The following PDE1C variants were observed in gnomAD, a reference collection of about 807,000 sequenced individuals.
PDE1C encodes dual specificity calcium/calmodulin-dependent 3',5'-cyclic nucleotide phosphodiesterase 1C.
A neutral mutation model predicts 93.1 loss-of-function variants in PDE1C; 62 were observed. The observed-to-expected ratio is 0.67, with a 90% CI of 0.54 to 0.82. The LOEUF is 0.82. Among genes scored for constraint, PDE1C ranks in the 40% least tolerant of loss-of-function variants. PDE1C has a pLI of 0.00. For synonymous variants in PDE1C, 325 were observed against 310.1 expected (o/e 1.05, Z -0.50); for missense variants, 742 against 884.6 (o/e 0.84, Z 2.04).
chr7:31,755,951 A>AGG (rs766489706), intron 17 of PDE1C, among the ~76,000 whole-genome samples: 7 of 152,156 alleles, frequency 4.6e-5, no homozygotes, highest in African/African-American at 7.2e-5. Context: ...AGATCACTGG[A>AGG]GGCCAGGAGT....
At chr7:32,209,357 C>A in intron 2 of PDE1C, 1 of 757,928 alleles carries the variant, frequency 1.3e-6, no homozygotes, top group Non-Finnish European at 2.1e-6. Context: ...GGATGTTAAC[C>A]AGATGATATT....
At chr7:31,636,136 C>T in the PDE1C span, among the ~76,000 whole-genome samples, 1 of 152,080 alleles carries the variant, frequency 6.6e-6, no homozygotes. Context: ...ACAAGAATAG[C>T]ATGGGGGTGG....
chr7:31,624,435 T>C, the PDE1C span, among the ~76,000 whole-genome samples: 1 of 128,640 alleles, frequency 7.8e-6, no homozygotes, highest in South Asian at 3.0e-4. Flanking sequence ...TATAGATCAA[T>C]GGAACAGAAC....
At chr7:32,350,579 TA>T (rs1562686631) in intron 1 of PDE1C, among the ~76,000 whole-genome samples, 20 of 674 alleles carry the variant, frequency 0.03, no homozygotes, top group African/African-American at 0.036. Flanking sequence ...TATATATATA[TA>T]TATATATATA....
chr7:31,786,542 G>A (rs890217040), intron 16 of PDE1C: 4 of 152,132 alleles, frequency 2.6e-5, no homozygotes, highest in African/African-American at 9.7e-5. Flanking sequence ...CAAGTGGATA[G>A]TGGAATTCAG....
At chr7:31,707,243 T>A in the PDE1C span, 1 of 1,614,072 alleles carries the variant, frequency 6.2e-7, no homozygotes, top group South Asian at 1.1e-5. Context: ...AAAGCAATCG[T>A]GGAAGATGAC....
At chr7:31,719,934 G>A in the PDE1C span, among the ~76,000 whole-genome samples, 170 of 151,088 alleles carry the variant, frequency 1.1e-3, 2 homozygotes, top group African/African-American at 4.0e-3. Context: ...AGGCCGAGGC[G>A]GGTGGATCAT....
At chr7:31,898,759 G>A (rs552811512) in intron 2 of PDE1C, among the ~76,000 whole-genome samples, 11 of 152,272 alleles carry the variant, frequency 7.2e-5, no homozygotes, top group Non-Finnish European at 1.2e-4. Flanking sequence ...GAACGTGAGC[G>A]TGGCTACCTC....
chr7:32,315,028 A>G (rs560781520), intron 1 of PDE1C, among the ~76,000 whole-genome samples: 87 of 148,946 alleles, frequency 5.8e-4, no homozygotes, highest in Non-Finnish European at 2.4e-4. Context: ...TATATCTCGG[A>G]TGTGGCTTCT....
intron 16 of PDE1C, chr7:31,784,836 C>A (rs1783753565): frequency 6.6e-6 from 1 of 152,030 alleles, no homozygotes; most frequent in Non-Finnish European, 1.5e-5. Context: ...ATAGTTCTAC[C>A]TCTAGAATCA....
chr7:32,367,147 T>C (rs758607153), intron 1 of PDE1C, among the ~76,000 whole-genome samples: 2 of 152,038 alleles, frequency 1.3e-5, no homozygotes, highest in African/African-American at 2.4e-5. Context: ...TAAAGAGATA[T>C]ACCATTAATA....
At chr7:32,253,186 A>G (rs1381504125) in intron 1 of PDE1C, among the ~76,000 whole-genome samples, 1 of 152,224 alleles carries the variant, frequency 6.6e-6, no homozygotes, top group Admixed American at 6.5e-5. Flanking sequence ...GTAGGCATCA[A>G]CATCTATTAT....
chr7:32,109,784 T>C (rs1353699299), intron 3 of PDE1C, among the ~76,000 whole-genome samples: 2 of 152,098 alleles, frequency 1.3e-5, no homozygotes, highest in Non-Finnish European at 2.9e-5. Flanking sequence ...TTTCTTTTCT[T>C]TTCTTTTCTT....
At chr7:31,651,801 G>T in the PDE1C span, 231 of 492,244 alleles carry the variant, frequency 4.7e-4, no homozygotes, top group Middle Eastern at 6.2e-4. Context: ...CCTTAGTAAT[G>T]TCTCCAGCTG....
rs189753057 is a variant in PDE1C at position 32,342,213 on chromosome 7, G to A, written c.310+85609C>T. Among the ~76,000 whole-genome samples the A allele has an allele frequency of 1.8e-4, 27 of 152,096 alleles. No individual in the cohort carries two copies. In the East Asian group the frequency reaches 4.6e-3, roughly 26 times the overall value. ...AGGTATTGATAGAGTCCTCACTACC[G>A]GCACTCAAACATAAATCAGACACCA... is the stretch of plus-strand genomic sequence containing the variant. On this transcript the variant is annotated intron_variant, in intron 1 of 1. Transcript: ENST00000672256.
At position 32,246,468 on chromosome 7, in the gene PDE1C, C is replaced by CGAACACCAGACACTGCCACAGT. The variant is rs1489449931; in HGVS notation, c.86-36930_86-36929insACTGTGGCAGTGTCTGGTGTTC. On this transcript the variant is annotated intron_variant, in intron 1 of 18. Coordinates refer to the PDE1C transcript ENST00000396193. ...CCCAGAAGATCAGACACTGCCACAGCGAACACAGCCCTAACTAGCTACTGG... is the reference window on the plus strand; with the variant it reads ...CCCAGAAGATCAGACACTGCCACAGCGAACACCAGACACTGCCACAGTGAACACAGCCCTAACTAGCTACTGG... 1.8e-4 allele frequency among the ~76,000 whole-genome samples: 28 copies of CGAACACCAGACACTGCCACAGT among 152,104 alleles called. 1 individual carries two copies. The highest frequency in any genetic ancestry group is 1.8e-3 in the Admixed American group (28 of 15,266).
chr7:31,870,228 T>A (rs11766681), intron 6 of PDE1C, among the ~76,000 whole-genome samples: 39,262 of 151,380 alleles, frequency 0.26, 5,452 homozygotes, highest in Non-Finnish European at 0.31. Flanking sequence ...CTGAAATTAG[T>A]AAAAAAACAA....
intron 11 of PDE1C, among the ~76,000 whole-genome samples, chr7:31,836,738 C>A (rs1562891616): frequency 6.6e-6 from 1 of 152,138 alleles, no homozygotes; most frequent in Non-Finnish European, 1.5e-5. Context: ...CCCCAAATTG[C>A]CACATCTGGT....
intron 2 of PDE1C, among the ~76,000 whole-genome samples, chr7:32,195,427 T>G (rs762824833): frequency 3.9e-5 from 6 of 152,236 alleles, no homozygotes; most frequent in Non-Finnish European, 7.3e-5. Context: ...TCTACCCTTT[T>G]AGCACTTGAA....
Sources: gnomAD v4.1 joint callset for allele counts (sites outside exome capture counted in the v4.1 genomes callset) on GRCh38, gnomAD v4.1.1 for gene constraint, MANE v1.5 for transcripts, NCBI Gene and HGNC (gene_info 2026-07-23, HGNC 2026-07-21) for gene names.